The following DAB1 variants were observed in gnomAD, a reference collection of about 807,000 sequenced individuals.
DAB1 encodes DAB adaptor protein 1.
In DAB1, 15 loss-of-function variants were observed where a neutral mutation model predicts 64.6. The observed-to-expected ratio is 0.23, with a 90% confidence interval of 0.16 to 0.36. DAB1 has a LOEUF of 0.36. DAB1 is among the 10% of genes least tolerant of loss of function. The pLI is 1.00. For missense variants in DAB1, 596 were observed against 706.7 expected, an observed-to-expected ratio of 0.84 and a Z score of 1.78; for synonymous variants, 235 against 251.9, an observed-to-expected ratio of 0.93 and a Z score of 0.64.
intron 4 of DAB1, among the ~76,000 whole-genome samples, chr1:57,127,874 G>A (rs913325141): frequency 6.6e-5 from 10 of 152,284 alleles, no homozygotes; most frequent in African/African-American, 1.7e-4. Context: ...CTGTCCGGGC[G>A]TGGTAGTTCA....
At chr1:57,831,766 TTCCTGGGCTCAAGTAA>T (rs1269127279) in intron 1 of DAB1, among the ~76,000 whole-genome samples, 1 of 151,970 alleles carries the variant, frequency 6.6e-6, no homozygotes, top group Non-Finnish European at 1.5e-5. Flanking sequence ...TGGTCTCAAA[TTCCTGGGCTCAAGTAA>T]TCCTTCAACC....
chr1:58,109,186 G>A (rs1007516098), intron 5 of DAB1, among the ~76,000 whole-genome samples: 4 of 152,148 alleles, frequency 2.6e-5, no homozygotes, highest in African/African-American at 9.7e-5. Context: ...TGAAGAAAGG[G>A]GACAGGAGAT....
At chr1:57,538,496 A>G (rs1012402865) in intron 7 of DAB1, among the ~76,000 whole-genome samples, 8 of 152,208 alleles carry the variant, frequency 5.3e-5, no homozygotes, top group Non-Finnish European at 7.3e-5. Context: ...TCGGTTTATC[A>G]TGATTGCTAT....
At chr1:57,252,767 C>G (rs1331161495) in intron 2 of DAB1, among the ~76,000 whole-genome samples, 1 of 152,152 alleles carries the variant, frequency 6.6e-6, no homozygotes, top group African/African-American at 2.4e-5. Flanking sequence ...AGAACAGGCT[C>G]CCTGTAAGTC....
chr1:58,514,673 T>C (rs759901077), intron 2 of DAB1, among the ~76,000 whole-genome samples: 1 of 152,188 alleles, frequency 6.6e-6, no homozygotes, highest in South Asian at 2.1e-4. Context: ...CAAAGGATTG[T>C]GGCAGGGGGA....
intron 5 of DAB1, among the ~76,000 whole-genome samples, chr1:58,103,472 A>C (rs1299172283): frequency 6.6e-6 from 1 of 152,212 alleles, no homozygotes; most frequent in Non-Finnish European, 1.5e-5. Context: ...TTGTGGTTCA[A>C]TGAAGTCTAC....
chr1:58,419,637 C>G (rs1402259834), intron 3 of DAB1, among the ~76,000 whole-genome samples: 1 of 152,198 alleles, frequency 6.6e-6, no homozygotes, highest in South Asian at 2.1e-4. Context: ...CTACTGGCTC[C>G]TTTGCCTACC....
In DAB1 at chr1:58,118,469, CATATATATAT is replaced by C. The variant is rs370100684; in HGVS notation, n.387+32032_387+32041del. On this transcript the variant is annotated intron_variant and non_coding_transcript_variant, in intron 5 of 20. Transcript: ENST00000485760. Reference sequence around the variant, plus strand: ...CATGATGCCAGGCACTATCCTAAGGCATATATATATATATATATATATATATATATATATA... The same window carrying C: ...CATGATGCCAGGCACTATCCTAAGGCATATATATATATATATATATATATA... Among the ~76,000 whole-genome samples the C allele has an allele frequency of 1.7e-3, 38 of 22,036 alleles. 2 individuals carry two copies. Among genetic ancestry groups the C allele is most frequent in the East Asian group, 9.0e-3 (4 of 442 alleles). The allele number at this position is 22,036 out of a possible 152,430, so 14.5% of individuals were successfully genotyped here. A position where few individuals can be genotyped will look rare whatever the true frequency, so the allele number is the denominator to read the frequency against.
intron 4 of DAB1, among the ~76,000 whole-genome samples, chr1:58,268,220 T>C (rs1481720642): frequency 6.6e-6 from 1 of 152,146 alleles, no homozygotes; most frequent in South Asian, 2.1e-4. Context: ...TCATAAGGGA[T>C]TTAAAGCAGC....
chr1:58,315,032 C>T (rs1405572150), intron 4 of DAB1, among the ~76,000 whole-genome samples: 1 of 152,176 alleles, frequency 6.6e-6, no homozygotes, highest in Non-Finnish European at 1.5e-5. Flanking sequence ...TAGTGCTGCT[C>T]AAGGTGTGAT....
At chr1:57,933,771 T>C (rs1184796772) in intron 5 of DAB1, among the ~76,000 whole-genome samples, 1 of 152,178 alleles carries the variant, frequency 6.6e-6, no homozygotes, top group African/African-American at 2.4e-5. Flanking sequence ...ATTGGGTAGA[T>C]ACAGTCCCAG....
chr1:58,479,039 T>C (rs1645447015), intron 3 of DAB1, among the ~76,000 whole-genome samples: 1 of 152,228 alleles, frequency 6.6e-6, no homozygotes, highest in African/African-American at 2.4e-5. Context: ...AAAAAATCTT[T>C]TTCATATACT....
chr1:57,701,707 T>G (rs577624018), intron 6 of DAB1, among the ~76,000 whole-genome samples: 38 of 150,944 alleles, frequency 2.5e-4, no homozygotes, highest in Non-Finnish European at 3.0e-4. Context: ...AATAATAAAA[T>G]AAAAAAAGAA....
At chr1:57,965,243 T>A (rs1286712407) in intron 5 of DAB1, among the ~76,000 whole-genome samples, 1 of 152,170 alleles carries the variant, frequency 6.6e-6, no homozygotes, top group Non-Finnish European at 1.5e-5. Flanking sequence ...GAGAGATTTA[T>A]CTCATAGTTG....
chr1:58,474,658 A>C (rs1645401491), intron 3 of DAB1, among the ~76,000 whole-genome samples: 1 of 152,226 alleles, frequency 6.6e-6, no homozygotes, highest in Non-Finnish European at 1.5e-5. Context: ...CGATGAGATC[A>C]TGGAAAGTTT....
At chr1:58,163,023 T>C (rs1655626259) in intron 4 of DAB1, among the ~76,000 whole-genome samples, 3 of 151,786 alleles carry the variant, frequency 2.0e-5, no homozygotes, top group Admixed American at 2.0e-4. Flanking sequence ...CGAGACACCA[T>C]CCCCCAAGAA....
At chr1:57,170,276 GGT>G in intron 2 of DAB1, among the ~76,000 whole-genome samples, 1 of 152,202 alleles carries the variant, frequency 6.6e-6, no homozygotes, top group East Asian at 1.9e-4. Context: ...TGGGATTACA[GGT>G]GTGAGCCACC....
At chr1:58,134,776 C>T (rs1343782411) in intron 5 of DAB1, among the ~76,000 whole-genome samples, 2 of 152,068 alleles carry the variant, frequency 1.3e-5, no homozygotes, top group African/African-American at 4.8e-5. Context: ...GATCCAATCA[C>T]CTCCCAGCAG....
At chr1:57,977,630 T>A (rs1253307118) in intron 5 of DAB1, among the ~76,000 whole-genome samples, 1 of 152,096 alleles carries the variant, frequency 6.6e-6, no homozygotes, top group Non-Finnish European at 1.5e-5. Flanking sequence ...TATATACACA[T>A]CTCTGAAAGC....
Sources: allele counts gnomAD v4.1 joint callset (sites outside exome capture counted in the v4.1 genomes callset), GRCh38; gene constraint gnomAD v4.1.1; transcripts MANE v1.5; gene names NCBI Gene and HGNC (gene_info 2026-07-23, HGNC 2026-07-21).